The following DAB1 variants were observed in gnomAD, a reference collection of about 807,000 sequenced individuals.
DAB1 encodes disabled homolog 1.
A neutral mutation model predicts 64.6 loss-of-function variants in DAB1; 15 were observed. That is an observed-to-expected ratio of 0.23 (90% CI 0.16 to 0.36). The LOEUF is 0.36. DAB1 is among the 10% of genes least tolerant of loss of function. The pLI is 1.00. For missense variants in DAB1, 596 were observed against 706.7 expected, an observed-to-expected ratio of 0.84 and a Z score of 1.78; for synonymous variants, 235 against 251.9, an observed-to-expected ratio of 0.93 and a Z score of 0.64.
Position 57,947,195 on chromosome 1 carries a change from G to C in DAB1, n.388-63033C>G, listed in dbSNP as rs1645197066. Among the ~76,000 whole-genome samples the C allele has an allele frequency of 1.3e-5, 2 of 152,072 alleles. 1 individual carries two copies. The highest frequency in any genetic ancestry group is 4.1e-4 in the South Asian group (2 of 4,822). ...GACCTCACAGGTAGAGCAGGGACTG[G>C]AGTCAAAATTTGAGCCCAGTGTCAT... On this transcript the variant is annotated intron_variant and non_coding_transcript_variant, in intron 5 of 20. Coordinates refer to the DAB1 transcript ENST00000485760.
intron 7 of DAB1, among the ~76,000 whole-genome samples, chr1:57,550,509 CA>C (rs1644902282): frequency 6.6e-6 from 1 of 151,822 alleles, no homozygotes; most frequent in South Asian, 2.1e-4. Context: ...ACCATCTGCC[CA>C]CCCACCCCCC....
At chr1:57,543,138 C>A (rs1235749005) in intron 7 of DAB1, among the ~76,000 whole-genome samples, 1 of 152,230 alleles carries the variant, frequency 6.6e-6, no homozygotes, top group Non-Finnish European at 1.5e-5. Context: ...TCCTGGACTC[C>A]TGACCCTCAG....
intron 5 of DAB1, among the ~76,000 whole-genome samples, chr1:57,942,897 C>T (rs1260665595): frequency 6.6e-6 from 1 of 152,142 alleles, no homozygotes; most frequent in Non-Finnish European, 1.5e-5. Flanking sequence ...TTATATTAAG[C>T]TATATACACC....
rs574471812 is a variant in DAB1, at chr1:58,193,130, G to A, written n.310-42542C>T. On this transcript the variant is annotated intron_variant and non_coding_transcript_variant, in intron 4 of 20. Coordinates refer to the DAB1 transcript ENST00000485760. The stretch of plus-strand genomic sequence containing the variant: ...GGCTTAATGGGAGGGTATTTGGGTC[G>A]TGCGGGAAGATCCCTCATGAGTAGA... 1.4e-4 allele frequency among the ~76,000 whole-genome samples: 22 copies of A among 152,274 alleles called. No homozygotes were observed. In the East Asian group the frequency reaches 2.3e-3, roughly 16 times the overall value.
At chr1:57,120,841 G>A (rs1321865627) in intron 4 of DAB1, among the ~76,000 whole-genome samples, 1 of 152,122 alleles carries the variant, frequency 6.6e-6, no homozygotes, top group East Asian at 1.9e-4. Context: ...AGCACATTTT[G>A]TTTACTCATC....
intron 2 of DAB1, among the ~76,000 whole-genome samples, chr1:57,219,964 T>A (rs1274939665): frequency 6.6e-6 from 1 of 152,158 alleles, no homozygotes; most frequent in Non-Finnish European, 1.5e-5. Context: ...AGCCACTAAG[T>A]CTGTGGTAAT....
At chr1:57,054,462 G>A (rs1020696852) in intron 9 of DAB1, among the ~76,000 whole-genome samples, 1 of 147,860 alleles carries the variant, frequency 6.8e-6, no homozygotes, top group Admixed American at 6.8e-5. Context: ...TCTCCACTCA[G>A]GAATGTGCTT....
At chr1:57,124,326 G>C (rs572876103) in intron 4 of DAB1, among the ~76,000 whole-genome samples, 1 of 152,052 alleles carries the variant, frequency 6.6e-6, no homozygotes, top group Admixed American at 6.6e-5. Context: ...AAGAGTATGC[G>C]TGTCTATTCA....
intron 4 of DAB1, among the ~76,000 whole-genome samples, chr1:57,128,066 G>A (rs1020299793): frequency 6.6e-6 from 1 of 151,990 alleles, no homozygotes; most frequent in Non-Finnish European, 1.5e-5. Context: ...AGAATCGCTT[G>A]AACCCAGAAG....
At chr1:57,905,497 G>A (rs1011503788) in intron 5 of DAB1, among the ~76,000 whole-genome samples, 1 of 152,168 alleles carries the variant, frequency 6.6e-6, no homozygotes, top group Admixed American at 6.5e-5. Flanking sequence ...GATTGGTGGT[G>A]TGTTAATGTG....
At chr1:58,186,912 G>A (rs1269545484) in intron 4 of DAB1, among the ~76,000 whole-genome samples, 1 of 152,150 alleles carries the variant, frequency 6.6e-6, no homozygotes, top group Non-Finnish European at 1.5e-5. Flanking sequence ...TTAAGCCTCT[G>A]CTTGTATCAC....
chr1:57,684,838 C>T (rs1646676373), intron 6 of DAB1, among the ~76,000 whole-genome samples: 1 of 152,130 alleles, frequency 6.6e-6, no homozygotes, highest in African/African-American at 2.4e-5. Flanking sequence ...GTCAAAGAGA[C>T]AAGACCTGAC....
At chr1:57,721,730 G>A (rs964307121) in intron 6 of DAB1, among the ~76,000 whole-genome samples, 13 of 152,184 alleles carry the variant, frequency 8.5e-5, no homozygotes, top group African/African-American at 3.1e-4. Flanking sequence ...ACCTGCAGCA[G>A]AAGTGAGTGA....
chr1:57,611,608 C>T (rs1453698024), intron 7 of DAB1, among the ~76,000 whole-genome samples: 1 of 152,064 alleles, frequency 6.6e-6, no homozygotes. Flanking sequence ...TTCATCCAAG[C>T]CTCCACAGCT....
chr1:57,633,641 C>T (rs192116391), intron 7 of DAB1, among the ~76,000 whole-genome samples: 60 of 152,302 alleles, frequency 3.9e-4, no homozygotes, highest in Middle Eastern at 3.4e-3. Flanking sequence ...GCCCAACAAT[C>T]TCTACTTTAA....
At position 57,014,875 on chromosome 1, in the gene DAB1, G is replaced by A. The variant is rs183171115; in HGVS notation, c.1444+8C>T. On this transcript the variant is annotated splice_region_variant and intron_variant, in intron 12 of 14. Coordinates refer to ENST00000371236, the MANE Select transcript of DAB1 (RefSeq NM_001365792.1). ...TTGGGTTTTATGTCTTAAGTGAGGGGCACTCACGTGAGTTGGTCGATGGTG... is the reference window on the plus strand; with the variant it reads ...TTGGGTTTTATGTCTTAAGTGAGGGACACTCACGTGAGTTGGTCGATGGTG... 9 of 1,541,872 alleles carry A rather than the reference G, an allele frequency of 5.8e-6. No homozygotes were observed. In the African/African-American group the frequency reaches 8.2e-5, roughly 14 times the overall value.
intron 7 of DAB1, among the ~76,000 whole-genome samples, chr1:57,601,566 C>T (rs897735089): frequency 1.1e-4 from 17 of 152,084 alleles, no homozygotes; most frequent in African/African-American, 3.9e-4. Flanking sequence ...GCACTCCAGC[C>T]TGGGCGACAG....
chr1:58,231,640 C>T (rs1277790218), intron 4 of DAB1, among the ~76,000 whole-genome samples: 1 of 152,192 alleles, frequency 6.6e-6, no homozygotes, highest in East Asian at 1.9e-4. Context: ...TAACATTCTA[C>T]ACTGTATAGT....
intron 2 of DAB1, among the ~76,000 whole-genome samples, chr1:57,213,653 GA>G (rs1666199476): frequency 6.6e-6 from 1 of 152,182 alleles, no homozygotes; most frequent in African/African-American, 2.4e-5. Context: ...AGAGGAAGAA[GA>G]AAACATCAGA....
Sources: allele counts gnomAD v4.1 joint callset (sites outside exome capture counted in the v4.1 genomes callset), GRCh38; gene constraint gnomAD v4.1.1; transcripts MANE v1.5; gene names NCBI Gene and HGNC (gene_info 2026-07-23, HGNC 2026-07-21).